Variants in NUP210 observed in about 807,000 individuals in gnomAD.
The protein encoded by NUP210 is nuclear pore membrane glycoprotein 210.
Under a neutral mutation model 196.0 loss-of-function variants are expected in NUP210, and 151 were observed. The observed-to-expected ratio is 0.77, with a 90% CI of 0.67 to 0.88. The LOEUF (loss-of-function observed/expected upper bound fraction) is 0.88. Among genes scored for constraint, NUP210 ranks in the 40% least tolerant of loss-of-function variants. NUP210 has a pLI of 0.00. For missense variants in NUP210, 2,314 were observed against 2,493.7 expected, an observed-to-expected ratio of 0.93 and a Z score of 1.53; for synonymous variants, 1,070 against 1,052.7, an observed-to-expected ratio of 1.02 and a Z score of -0.32.
intron 14 of NUP210, among the ~76,000 whole-genome samples, chr3:13,363,830 C>A (rs1698444500): frequency 6.6e-6 from 1 of 152,172 alleles, no homozygotes; most frequent in African/African-American, 2.4e-5. Context: ...TGTTACATCC[C>A]AGCTCAGGAC....
chr3:13,354,466 GC>G (rs1192159211), intron 16 of NUP210: 2 of 208,580 alleles, frequency 9.6e-6, no homozygotes, highest in Admixed American at 1.1e-4. Context: ...ACACAGGACA[GC>G]CCCCCACAGG....
intron 11 of NUP210, among the ~76,000 whole-genome samples, chr3:13,374,719 G>T (rs2124914226): frequency 6.6e-6 from 1 of 152,278 alleles, no homozygotes; most frequent in South Asian, 2.1e-4. Context: ...ACACACCCCT[G>T]CCCATTCCTC....
rs1481022697 is a variant in NUP210 at position 13,347,582 on chromosome 3, G to A, written c.2836-4279C>T. On this transcript the variant is annotated intron_variant, in intron 20 of 39. Coordinates refer to ENST00000254508, the MANE Select transcript of NUP210 (RefSeq NM_024923.4). The surrounding 1 kb of genome is among the most constrained non-coding windows in gnomAD (Gnocchi z 4.7). ...GGACCCCTGCTGCGTGAGCCCCAGA[G>A]AGCCCCCCAGAGACACTCCAAAGCC... Among the ~76,000 whole-genome samples, 2 of 152,116 alleles carry A rather than the reference G, an allele frequency of 1.3e-5. No homozygotes were observed. Among genetic ancestry groups the A allele is most frequent in the African/African-American group, 2.4e-5 (1 of 41,416 alleles).
chr3:13,366,118 C>T, intron 13 of NUP210, 27 bp from the exon 14 acceptor site: 1 of 1,603,590 alleles, frequency 6.2e-7, no homozygotes, highest in Non-Finnish European at 8.5e-7. Context: ...ACTAGATGGT[C>T]ACCCTGAAAT....
At chr3:13,356,482 A>G (rs1015889726) in intron 16 of NUP210, among the ~76,000 whole-genome samples, 1 of 152,146 alleles carries the variant, frequency 6.6e-6, no homozygotes. Flanking sequence ...GTCTCTACTA[A>G]AAATACAAAA....
chr3:13,326,556 A>G (rs1332557244), intron 32 of NUP210, among the ~76,000 whole-genome samples: 2 of 152,088 alleles, frequency 1.3e-5, no homozygotes, highest in African/African-American at 4.8e-5. Context: ...AAAGGTGGAG[A>G]CAATTTGAAA....
chr3:13,325,665 T>A, intron 33 of NUP210, 130 bp downstream of exon 33: 1 of 1,079,948 alleles, frequency 9.3e-7, no homozygotes, highest in Middle Eastern at 2.2e-4. Context: ...AGTCCCAGAC[T>A]CATGACTCCC....
chr3:13,382,456 G>C (rs1699135428), intron 6 of NUP210, among the ~76,000 whole-genome samples: 1 of 152,240 alleles, frequency 6.6e-6, no homozygotes, highest in Non-Finnish European at 1.5e-5. Flanking sequence ...GAACCGGGCA[G>C]TCCTGCTGAC....
At chr3:13,357,699 T>A (rs1197381228) in intron 16 of NUP210, among the ~76,000 whole-genome samples, 1 of 152,082 alleles carries the variant, frequency 6.6e-6, no homozygotes, top group Non-Finnish European at 1.5e-5. Context: ...GACCTGTGGC[T>A]TCCCCTACCA....
At chr3:13,381,693 G>A (rs1202700203) in intron 6 of NUP210, among the ~76,000 whole-genome samples, 4 of 152,148 alleles carry the variant, frequency 2.6e-5, no homozygotes, top group Admixed American at 6.6e-5. Flanking sequence ...GCCAACAACA[G>A]AAAGGCGCTC....
At chr3:13,389,932 C>T (rs546969796) in intron 4 of NUP210, among the ~76,000 whole-genome samples, 1 of 152,226 alleles carries the variant, frequency 6.6e-6, no homozygotes, top group East Asian at 1.9e-4. Context: ...GGCCACTCTA[C>T]AGATAACTAG....
intron 2 of NUP210, among the ~76,000 whole-genome samples, chr3:13,398,566 ATCTGAAAACAC>A (rs1248791903): frequency 6.6e-6 from 1 of 152,244 alleles, no homozygotes; most frequent in Non-Finnish European, 1.5e-5. Flanking sequence ...TGAAACAAAC[ATCTGAAAACAC>A]TCTAAATGCC....
intron 4 of NUP210, 22 bp from the exon 5 acceptor site, chr3:13,388,475 A>C: frequency 1.9e-6 from 3 of 1,582,010 alleles, no homozygotes; most frequent in Non-Finnish European, 2.6e-6. Flanking sequence ...GCACGTTGTC[A>C]AAGTTTGTTG....
At chr3:13,327,133 G>A in intron 32 of NUP210, 84 bp downstream of exon 32, 1 of 1,083,636 alleles carries the variant, frequency 9.2e-7, no homozygotes, top group East Asian at 2.6e-5. Context: ...CGTGACTGGT[G>A]CCGAGCCCCT....
chr3:13,317,570 C>T lies in NUP210; in HGVS notation c.*111G>A, dbSNP rs577553983. 2.9e-5 allele frequency: 23 copies of T among 800,488 alleles called. No homozygotes were observed. The highest frequency in any genetic ancestry group is 2.7e-4 in the African/African-American group (16 of 59,118). 49.6% of individuals were successfully genotyped at this position (800,488 alleles called of 1,614,324 possible). A position where few individuals can be genotyped will look rare whatever the true frequency, so the allele number is the denominator to read the frequency against. On this transcript the variant is annotated 3_prime_UTR_variant, in exon 40 of 40. Coordinates refer to ENST00000254508, the MANE Select transcript of NUP210 (RefSeq NM_024923.4). ...GACGGCAGTGAAGCTGGCCTGGGGC[C>T]GGGGCACTCATCTGGAGGGGCTTGT... is the stretch of plus-strand genomic sequence containing the variant.
intron 1 of NUP210, among the ~76,000 whole-genome samples, chr3:13,408,812 T>C (rs1167998092): frequency 6.6e-6 from 1 of 151,872 alleles, no homozygotes; most frequent in Non-Finnish European, 1.5e-5. Context: ...AAAAGGTTTT[T>C]AATTACAAAC....
intron 4 of NUP210, 139 bp downstream of exon 4, chr3:13,391,072 C>T (rs1227604964): frequency 6.2e-5 from 40 of 645,902 alleles, no homozygotes; most frequent in Non-Finnish European, 8.4e-5. Context: ...ATCAGACACT[C>T]GGAATGTTAC....
chr3:13,400,536 C>T (rs551377053), intron 1 of NUP210, among the ~76,000 whole-genome samples: 20 of 152,292 alleles, frequency 1.3e-4, no homozygotes, highest in East Asian at 3.9e-4. Context: ...CTGCTGTCAG[C>T]GCCTCAGTTT....
intron 1 of NUP210, among the ~76,000 whole-genome samples, chr3:13,401,259 C>CAAAAAAAAAAAAAAAAAAAAAAAAA: frequency 2.3e-5 from 1 of 43,832 alleles, no homozygotes; most frequent in Non-Finnish European, 4.0e-5. Context: ...GACTCTGGCT[C>CAAAAAAAAAAAAAAAAAAAAAAAAA]AAAAAAAAAA....
Sources: gnomAD v4.1 joint callset for allele counts (sites outside exome capture counted in the v4.1 genomes callset) on GRCh38, gnomAD v4.1.1 for gene constraint, Gnocchi (gnomAD v3.1) non-coding constraint, MANE v1.5 for transcripts, NCBI Gene and HGNC (gene_info 2026-07-23, HGNC 2026-07-21) for gene names.